ADGRF4: variants seen among roughly 807,000 people sequenced by gnomAD.
ADGRF4 encodes the protein adhesion G protein-coupled receptor F4, also known as G-protein coupled receptor PGR18.
In ADGRF4, 63 loss-of-function variants were observed where a neutral mutation model predicts 58.5. The ratio of observed to expected loss-of-function variants is 1.08; its 90% confidence interval spans 0.88 to 1.33. ADGRF4 has a LOEUF of 1.33. Among genes scored for constraint, ADGRF4 ranks in the 40% most tolerant of loss-of-function variants. The pLI, the probability that ADGRF4 is intolerant of heterozygous loss-of-function variation, is 0.00. For synonymous variants in ADGRF4, 313 were observed against 295.4 expected (o/e 1.06, Z -0.61); for missense variants, 931 against 843.9 (o/e 1.10, Z -1.28).
At chr6:47,707,150 G>T (rs1431901363) in intron 1 of ADGRF4, 80 bp from the exon 2 acceptor site, 3 of 807,122 alleles carry the variant, frequency 3.7e-6, no homozygotes, top group Non-Finnish European at 6.7e-6. Flanking sequence ...GTTCACTAAG[G>T]GGTTGGTTAG....
At position 47,713,810 on chromosome 6, in the gene ADGRF4, G is replaced by A; in HGVS notation, c.565G>A (p.Val189Met). The A allele has an allele frequency of 6.5e-7, 1 of 1,548,370 alleles. No homozygotes were observed. The change falls in exon 6 of 10, where the codon GTG (valine) becomes ATG (methionine). Residue 189 changes from valine to methionine, a missense_variant. Physicochemically the swap from Val to Met is conservative, Grantham distance 21 (BLOSUM62 1). Coordinates refer to ENST00000283303, the MANE Select transcript of ADGRF4 (RefSeq NM_153838.5). ...TTCTCCATTGCAGAGCTATAGTGAA[G>A]TGGCCAACCACATCCTCGACACAGC... ...TREKMKSYSE[V>M]ANHILDTAAI...
chr6:47,714,023 A>ATGAGCATG lies in ADGRF4; in HGVS notation c.779_786dup (p.Asn263Ter). 1 of 1,608,796 alleles carries ATGAGCATG rather than the reference A, an allele frequency of 6.2e-7. No individual in the cohort carries two copies. The highest frequency in any genetic ancestry group is 1.1e-5 in the South Asian group (1 of 89,876). ...CTCAGAGAAAAGCCTCAATTTCTCC[A>ATGAGCATG]TGAGCATGAACAATACCACAGAAGA... On this transcript the variant is annotated frameshift_variant, in exon 6 of 10. Coordinates refer to ENST00000283303, the MANE Select transcript of ADGRF4 (RefSeq NM_153838.5). LOFTEE classifies it high-confidence loss of function.
At chr6:47,703,218 G>A (rs898378733) in intron 1 of ADGRF4, among the ~76,000 whole-genome samples, 2 of 152,162 alleles carry the variant, frequency 1.3e-5, no homozygotes, top group Non-Finnish European at 2.9e-5. Flanking sequence ...TAGATCTAAG[G>A]ATGTGTGTTT....
intron 1 of ADGRF4, among the ~76,000 whole-genome samples, chr6:47,700,574 C>T (rs1252990344): frequency 6.6e-6 from 1 of 152,218 alleles, no homozygotes; most frequent in Non-Finnish European, 1.5e-5. Flanking sequence ...AAGACACATG[C>T]ATTGTTATGA....
intron 1 of ADGRF4, among the ~76,000 whole-genome samples, chr6:47,702,530 C>T (rs746046077): frequency 2.0e-5 from 3 of 152,168 alleles, no homozygotes; most frequent in African/African-American, 4.8e-5. Context: ...CCTTTTTGTG[C>T]CTGCTACAAA....
chr6:47,713,417 G>A (rs143447417), intron 5 of ADGRF4, among the ~76,000 whole-genome samples: 329 of 152,248 alleles, frequency 2.2e-3, no homozygotes, highest in South Asian at 0.012. Flanking sequence ...GGAATTCTTT[G>A]TAAGGCAGAG....
At chr6:47,701,831 T>G (rs1297329909) in intron 1 of ADGRF4, among the ~76,000 whole-genome samples, 1 of 152,216 alleles carries the variant, frequency 6.6e-6, no homozygotes, top group Non-Finnish European at 1.5e-5. Flanking sequence ...ATTACTTATT[T>G]ATTTTTATTT....
intron 1 of ADGRF4, among the ~76,000 whole-genome samples, chr6:47,699,446 C>A (rs1433722005): frequency 1.3e-5 from 2 of 152,118 alleles, no homozygotes; most frequent in African/African-American, 4.8e-5. Flanking sequence ...AATTGCTGGG[C>A]GTATAAATTT....
intron 1 of ADGRF4, 127 bp from the exon 2 acceptor site, chr6:47,707,103 G>C: frequency 1.6e-6 from 1 of 628,362 alleles, no homozygotes; most frequent in Non-Finnish European, 2.9e-6. Context: ...TTCCAGGGCA[G>C]GCTGCTTTGG....
At chr6:47,706,358 A>G (rs920052349) in intron 1 of ADGRF4, among the ~76,000 whole-genome samples, 1 of 152,190 alleles carries the variant, frequency 6.6e-6, no homozygotes, top group African/African-American at 2.4e-5. Context: ...CTGCGCATCT[A>G]GTTTCTCTGT....
chr6:47,713,874 C>A lies in ADGRF4; in HGVS notation c.629C>A (p.Ala210Asp). 1 of 1,602,764 alleles carries A rather than the reference C, an allele frequency of 6.2e-7. No homozygotes were observed. The highest frequency in any genetic ancestry group is 1.7e-5 in the Admixed American group (1 of 58,016). ...SNWAFIPNKN[A>D]SSDLLQSVNL... is the part of the protein sequence containing the mutation. ...TGGGCTTTCATTCCCAACAAAAATG[C>A]CAGCTCGGATTTGTTGCAGTCAGTG... is the stretch of plus-strand genomic sequence containing the variant. The change falls in exon 6 of 10, where the codon GCC becomes GAC. Residue 210 changes from alanine (A) to aspartate (D), a missense_variant. By Grantham distance (126) the Ala-to-Asp change is moderately radical (BLOSUM62 -2). Coordinates refer to ENST00000283303, the MANE Select transcript of ADGRF4 (RefSeq NM_153838.5).
chr6:47,721,122 G>A (rs1772145777), intron 9 of ADGRF4, 87 bp from the exon 10 acceptor site: 1 of 152,192 alleles, frequency 6.6e-6, no homozygotes, highest in East Asian at 1.9e-4. Context: ...TCCCAGGATA[G>A]TTTCAGGATT....
chr6:47,717,496 T>C (rs753433655), intron 8 of ADGRF4, 145 bp downstream of exon 8: 10 of 686,034 alleles, frequency 1.5e-5, no homozygotes, highest in Middle Eastern at 4.0e-4. Context: ...CTTCATTCGG[T>C]AAATTTGGAG....
chr6:47,719,499 G>T (rs1299037637), intron 9 of ADGRF4, among the ~76,000 whole-genome samples: 1 of 152,088 alleles, frequency 6.6e-6, no homozygotes, highest in Non-Finnish European at 1.5e-5. Context: ...GCTTCCTCGG[G>T]GATGAAACAT....
intron 4 of ADGRF4, among the ~76,000 whole-genome samples, chr6:47,711,323 C>T (rs577153855): frequency 4.6e-5 from 7 of 152,166 alleles, no homozygotes; most frequent in African/African-American, 1.7e-4. Flanking sequence ...AGTGCAGTGG[C>T]GCAATCTCAG....
intron 1 of ADGRF4, among the ~76,000 whole-genome samples, chr6:47,699,781 G>GTCTT (rs1771544271): frequency 6.6e-6 from 1 of 152,150 alleles, no homozygotes; most frequent in Non-Finnish European, 1.5e-5. Flanking sequence ...GAGATACTGG[G>GTCTT]TCTTAAACAC....
At chr6:47,702,231 C>A (rs922184783) in intron 1 of ADGRF4, among the ~76,000 whole-genome samples, 2 of 152,092 alleles carry the variant, frequency 1.3e-5, no homozygotes, top group South Asian at 2.1e-4. Context: ...TGTGTTCATG[C>A]CTGTTTGTGT....
At chr6:47,705,114 G>C (rs1476232290) in intron 1 of ADGRF4, among the ~76,000 whole-genome samples, 3 of 152,114 alleles carry the variant, frequency 2.0e-5, no homozygotes, top group Non-Finnish European at 4.4e-5. Context: ...ATTTTCAGTA[G>C]AGATGGAGTT....
Position 47,707,317 on chromosome 6 carries a change from T to C in ADGRF4, c.72T>C (p.Tyr24=), listed in dbSNP as rs757774239. The C allele has an allele frequency of 5.0e-6, 8 of 1,610,432 alleles. No homozygotes were observed. Among genetic ancestry groups the C allele is most frequent in the South Asian group, 3.3e-5 (3 of 91,000 alleles). The change falls in exon 2 of 10, where the codon TAT becomes TAC. Residue 24 remains tyrosine, a synonymous_variant. Transcript: ENST00000283303. The part of the protein sequence containing the change: ...VFFLSTECSH[Y]RSKIHLKAGD... ...TTCTGTCCACAGAATGTTCCCACTA[T>C]AGATCCAAGATTCACCTAAAAGTAA...
Sources: gnomAD v4.1 joint callset for allele counts (sites outside exome capture counted in the v4.1 genomes callset) on GRCh38, gnomAD v4.1.1 for gene constraint, MANE v1.5 for transcripts, NCBI Gene and HGNC (gene_info 2026-07-23, HGNC 2026-07-21) for gene names.